STAG1: variants seen among roughly 807,000 people sequenced by gnomAD.
STAG1 encodes cohesin subunit SA-1.
Under a neutral mutation model 170.9 loss-of-function variants are expected in STAG1, and 26 were observed. The observed-to-expected ratio is 0.15, with a 90% CI of 0.11 to 0.21. The LOEUF (loss-of-function observed/expected upper bound fraction) is 0.21. Ranked by LOEUF, STAG1 falls within the 10% of genes least tolerant of loss-of-function variation. STAG1 has a pLI of 1.00. For synonymous variants in STAG1, 514 were observed against 497.7 expected, an observed-to-expected ratio of 1.03 and a Z score of -0.44; for missense variants, 964 against 1,509.5, an observed-to-expected ratio of 0.64 and a Z score of 5.99.
chr3:136,736,845 T>G, intron 1 of STAG1: 1 of 1,585,094 alleles, frequency 6.3e-7, no homozygotes, highest in South Asian at 1.1e-5. Context: ...TTTTTCGCTC[T>G]TTCACAGTGT....
chr3:136,573,894 C>A (rs1379818892), intron 4 of STAG1, among the ~76,000 whole-genome samples: 6 of 152,134 alleles, frequency 3.9e-5, no homozygotes, highest in Middle Eastern at 3.4e-3. Flanking sequence ...TGGCGAGAAC[C>A]TGGGAGGCGG....
chr3:136,736,416 T>G, intron 1 of STAG1: 4 of 999,928 alleles, frequency 4.0e-6, no homozygotes, highest in Non-Finnish European at 6.3e-6. Flanking sequence ...GGGGTGGAAG[T>G]GGGAGGAAAG....
intron 1 of STAG1, chr3:136,737,276 G>C (rs1934395985): frequency 2.0e-6 from 1 of 507,546 alleles, no homozygotes; most frequent in Non-Finnish European, 3.7e-6. Context: ...TTAATTTTTT[G>C]TATTCTTAGT....
chr3:136,608,935 G>A (rs1168662401), intron 3 of STAG1: 1 of 151,904 alleles, frequency 6.6e-6, no homozygotes, highest in South Asian at 2.1e-4. Context: ...GTCACTCTTT[G>A]AGCGGGTATC....
chr3:136,553,400 A>G (rs1361866402), intron 5 of STAG1, among the ~76,000 whole-genome samples: 4 of 152,216 alleles, frequency 2.6e-5, no homozygotes, highest in Admixed American at 2.0e-4. Context: ...ATGAAAAACA[A>G]TACTCCCTGC....
chr3:136,721,569 G>C (rs1933270206), intron 1 of STAG1: 1 of 152,054 alleles, frequency 6.6e-6, no homozygotes, highest in Non-Finnish European at 1.5e-5. Flanking sequence ...TAAATAATTT[G>C]GTTCCATTAT....
chr3:136,533,403 A>C (rs1935473223), intron 6 of STAG1, among the ~76,000 whole-genome samples: 1 of 152,094 alleles, frequency 6.6e-6, no homozygotes. Context: ...CATTACTATA[A>C]AGAAATACCC....
intron 12 of STAG1, among the ~76,000 whole-genome samples, chr3:136,472,206 A>T (rs1426319533): frequency 6.6e-6 from 1 of 152,214 alleles, no homozygotes; most frequent in Non-Finnish European, 1.5e-5. Context: ...AATAATTTTT[A>T]TGTGGAAGAA....
chr3:136,741,882 T>A (rs1934689822), intron 1 of STAG1, among the ~76,000 whole-genome samples: 1 of 152,132 alleles, frequency 6.6e-6, no homozygotes. Flanking sequence ...AACAGTAAGC[T>A]CAAGATCGCT....
At chr3:136,405,628 G>T (rs1312935626) in intron 21 of STAG1, among the ~76,000 whole-genome samples, 10 of 151,374 alleles carry the variant, frequency 6.6e-5, no homozygotes, top group Non-Finnish European at 1.5e-4. Context: ...GGCCCAGGTG[G>T]GTGGACAGCT....
intron 9 of STAG1, among the ~76,000 whole-genome samples, chr3:136,494,678 C>T (rs1430038535): frequency 2.0e-5 from 3 of 152,038 alleles, no homozygotes; most frequent in Non-Finnish European, 4.4e-5. Context: ...AAGAAAAAAC[C>T]TGCATGACCA....
intron 5 of STAG1, 146 bp from the exon 6 acceptor site, chr3:136,542,341 T>G (rs1935952175): frequency 4.7e-6 from 3 of 639,910 alleles, no homozygotes; most frequent in Non-Finnish European, 5.2e-6. Flanking sequence ...AAATGTTGTT[T>G]GATCAGGCCC....
chr3:136,532,052 TA>T (rs1218726440), intron 6 of STAG1, among the ~76,000 whole-genome samples: 2 of 148,706 alleles, frequency 1.3e-5, no homozygotes, highest in East Asian at 4.0e-4. Context: ...AAATTAAAAC[TA>T]AAAAAAATAC....
intron 9 of STAG1, among the ~76,000 whole-genome samples, chr3:136,494,749 C>G (rs1334491099): frequency 6.6e-6 from 1 of 152,158 alleles, no homozygotes; most frequent in African/African-American, 2.4e-5. Flanking sequence ...AAACACCCAA[C>G]AAATCAGGCT....
intron 1 of STAG1, among the ~76,000 whole-genome samples, chr3:136,699,555 T>A (rs557894489): frequency 5.3e-5 from 8 of 152,168 alleles, no homozygotes; most frequent in Middle Eastern, 6.8e-3. Flanking sequence ...TAATTTATTT[T>A]TTTTTTTTTT....
intron 13 of STAG1, 81 bp from the exon 14 acceptor site, chr3:136,452,228 T>C: frequency 1.2e-6 from 1 of 855,190 alleles, no homozygotes; most frequent in Non-Finnish European, 2.0e-6. Flanking sequence ...CATTTCAGTG[T>C]TTAACAACAA....
chr3:136,444,886 G>A (rs2088733292), intron 14 of STAG1, among the ~76,000 whole-genome samples: 2 of 151,978 alleles, frequency 1.3e-5, no homozygotes, highest in South Asian at 4.2e-4. Context: ...TTGGAGACAG[G>A]GTCTCACAGT....
At chr3:136,661,362 A>G (rs918768254) in intron 1 of STAG1, among the ~76,000 whole-genome samples, 1 of 152,194 alleles carries the variant, frequency 6.6e-6, no homozygotes, top group Non-Finnish European at 1.5e-5. Context: ...AAAGTGCTTC[A>G]AAATCCAAAA....
intron 1 of STAG1, among the ~76,000 whole-genome samples, chr3:136,726,854 T>C (rs1005945726): frequency 3.3e-5 from 5 of 152,204 alleles, no homozygotes; most frequent in Non-Finnish European, 7.3e-5. Context: ...CTTACCTCTC[T>C]AACCTCATGC....
Sources: gnomAD v4.1 joint callset for allele counts (sites outside exome capture counted in the v4.1 genomes callset) on GRCh38, gnomAD v4.1.1 for gene constraint, MANE v1.5 for transcripts, NCBI Gene and HGNC (gene_info 2026-07-23, HGNC 2026-07-21) for gene names.